The following SLC24A2 variants were observed in gnomAD, a reference collection of about 807,000 sequenced individuals.
SLC24A2 encodes the protein sodium/potassium/calcium exchanger 2.
In SLC24A2, 36 loss-of-function variants were observed where a neutral mutation model predicts 62.0. That is an observed-to-expected ratio of 0.58 (90% CI 0.44 to 0.77). SLC24A2 has a LOEUF of 0.77. SLC24A2 is among the 30% of genes least tolerant of loss of function. The pLI, the probability that SLC24A2 is intolerant of heterozygous loss-of-function variation, is 0.00. For synonymous variants in SLC24A2, 358 were observed against 294.0 expected (o/e 1.22, Z -2.23); for missense variants, 846 against 817.9 (o/e 1.03, Z -0.42).
chr9:19,557,316 A>C (rs1159316715), intron 7 of SLC24A2, among the ~76,000 whole-genome samples: 3 of 152,230 alleles, frequency 2.0e-5, no homozygotes, highest in Admixed American at 2.0e-4. Flanking sequence ...GGTGGTGGGA[A>C]CAATTGTAAG....
At chr9:19,625,889 G>A (rs1267441093) in intron 2 of SLC24A2, among the ~76,000 whole-genome samples, 1 of 151,890 alleles carries the variant, frequency 6.6e-6, no homozygotes, top group Non-Finnish European at 1.5e-5. Flanking sequence ...GTTTTGCTAT[G>A]TTGGCCAGGC....
the SLC24A2 span, among the ~76,000 whole-genome samples, chr9:20,217,380 T>C: frequency 6.6e-6 from 1 of 152,188 alleles, no homozygotes. Context: ...GTGATGTTCA[T>C]CATCTTAATG....
the SLC24A2 span, among the ~76,000 whole-genome samples, chr9:20,160,054 C>A: frequency 1.3e-5 from 2 of 151,152 alleles, no homozygotes; most frequent in Non-Finnish European, 3.0e-5. Flanking sequence ...AGACTCACAC[C>A]TAAAACAGTA....
At chr9:19,711,101 C>G (rs1183685500) in intron 2 of SLC24A2, among the ~76,000 whole-genome samples, 2 of 152,132 alleles carry the variant, frequency 1.3e-5, no homozygotes, top group Non-Finnish European at 2.9e-5. Flanking sequence ...TAAGTAAGGT[C>G]TGGGAATTCT....
At chr9:20,096,372 T>G in the SLC24A2 span, among the ~76,000 whole-genome samples, 1 of 152,218 alleles carries the variant, frequency 6.6e-6, no homozygotes, top group Non-Finnish European at 1.5e-5. Flanking sequence ...GATTATTGAT[T>G]TAGTCTCCTA....
At chr9:20,057,009 T>G in the SLC24A2 span, among the ~76,000 whole-genome samples, 128 of 152,360 alleles carry the variant, frequency 8.4e-4, 4 homozygotes, top group Non-Finnish European at 7.5e-4. Context: ...GCATTAATTT[T>G]ATTTCAAACC....
the SLC24A2 span, among the ~76,000 whole-genome samples, chr9:20,132,542 C>T: frequency 9.2e-5 from 14 of 152,058 alleles, no homozygotes; most frequent in Non-Finnish European, 1.8e-4. Flanking sequence ...TTATCTCAAA[C>T]ACTGATAAAA....
the SLC24A2 span, among the ~76,000 whole-genome samples, chr9:19,904,197 C>A: frequency 1.3e-5 from 2 of 152,200 alleles, no homozygotes; most frequent in African/African-American, 4.8e-5. Flanking sequence ...CATCCTGGAA[C>A]TACTGAATCA....
intron 2 of SLC24A2, among the ~76,000 whole-genome samples, chr9:19,636,390 C>CCCCT (rs1554690448): frequency 1.5e-5 from 1 of 67,028 alleles, no homozygotes; most frequent in African/African-American, 7.5e-5. Context: ...TTTCTTTCTC[C>CCCCT]CTCTCTCTCT....
intron 2 of SLC24A2, among the ~76,000 whole-genome samples, chr9:19,642,042 G>A (rs973523408): frequency 3.9e-5 from 6 of 152,048 alleles, no homozygotes; most frequent in African/African-American, 1.4e-4. Context: ...AGGAGCAGTC[G>A]TTGGGAGGGA....
intron 5 of SLC24A2, among the ~76,000 whole-genome samples, chr9:19,595,820 G>A (rs1248524711): frequency 1.3e-5 from 2 of 152,124 alleles, no homozygotes; most frequent in Non-Finnish European, 2.9e-5. Context: ...GGGCTTGACA[G>A]GTCAGGTGGA....
At position 19,528,999 on chromosome 9, in the gene SLC24A2, A is replaced by G. The variant is rs77609362; in HGVS notation, c.1480-861T>C. 7.7e-3 allele frequency among the ~76,000 whole-genome samples: 1,172 copies of G among 152,300 alleles called. 13 individuals are homozygous for G. The highest frequency in any genetic ancestry group is 0.027 in the African/African-American group (1,124 of 41,550). ...AATGCAGTGTTTCTTACCCAGTCCC[A>G]CTACAGAGAAACCCAGGCTTGCACT... On this transcript the variant is annotated intron_variant, in intron 8 of 10. Transcript: ENST00000341998.
At chr9:19,783,200 T>C (rs117959514) in intron 2 of SLC24A2, among the ~76,000 whole-genome samples, 51 of 152,314 alleles carry the variant, frequency 3.3e-4, no homozygotes, top group Non-Finnish European at 6.9e-4. Flanking sequence ...ATTCACTGCC[T>C]AGAGCCCAGC....
chr9:19,984,889 G>T, the SLC24A2 span, among the ~76,000 whole-genome samples: 2 of 152,110 alleles, frequency 1.3e-5, no homozygotes, highest in South Asian at 2.1e-4. Context: ...AAGGGGCAAG[G>T]CAAGAGGAGT....
chr9:19,533,633 G>C (rs1833812086), intron 8 of SLC24A2, among the ~76,000 whole-genome samples: 2 of 152,202 alleles, frequency 1.3e-5, no homozygotes, highest in Admixed American at 6.5e-5. Context: ...AGCTGTTCCA[G>C]CTTCAATAGC....
At chr9:19,933,897 T>C in the SLC24A2 span, among the ~76,000 whole-genome samples, 2 of 152,196 alleles carry the variant, frequency 1.3e-5, no homozygotes, top group African/African-American at 2.4e-5. Flanking sequence ...ATTCCATTTA[T>C]GTGAGATTCC....
At chr9:20,111,183 T>G in the SLC24A2 span, among the ~76,000 whole-genome samples, 3 of 152,148 alleles carry the variant, frequency 2.0e-5, no homozygotes, top group Non-Finnish European at 4.4e-5. Flanking sequence ...TTTGGTTCGA[T>G]TTGGCAAATG....
intron 2 of SLC24A2, among the ~76,000 whole-genome samples, chr9:19,647,056 ACACACACGCGCGCACAC>A (rs1818658772): frequency 1.7e-5 from 1 of 57,834 alleles, no homozygotes; most frequent in African/African-American, 6.2e-5. Flanking sequence ...TTCCACACAC[ACACACACGCGCGCACAC>A]ACACACACAC....
At chr9:20,148,514 A>T in the SLC24A2 span, among the ~76,000 whole-genome samples, 1 of 152,114 alleles carries the variant, frequency 6.6e-6, no homozygotes, top group Admixed American at 6.6e-5. Context: ...GATGCCTTTC[A>T]AGGGAAGTCT....
Sources: allele counts gnomAD v4.1 joint callset (sites outside exome capture counted in the v4.1 genomes callset), GRCh38; gene constraint gnomAD v4.1.1; transcripts MANE v1.5; gene names NCBI Gene and HGNC (gene_info 2026-07-23, HGNC 2026-07-21).